MTBP: variants seen among roughly 807,000 people sequenced by gnomAD.
MTBP encodes the protein mdm2-binding protein.
MTBP carries 101 observed loss-of-function variants against 117.0 expected under a neutral mutation model. The ratio of observed to expected loss-of-function variants is 0.86; its 90% CI spans 0.73 to 1.02. MTBP has a LOEUF of 1.02. Among genes scored for constraint, MTBP ranks in the 50% least tolerant of loss-of-function variants. The pLI, the probability that MTBP is intolerant of heterozygous loss-of-function variation, is 0.00. For missense variants in MTBP, 970 were observed against 1,030.9 expected (o/e 0.94, Z 0.81); for synonymous variants, 350 against 351.5 (o/e 1.00, Z 0.05).
chr8:120,467,754 G>A (rs1325230608), intron 10 of MTBP, among the ~76,000 whole-genome samples: 2 of 152,178 alleles, frequency 1.3e-5, no homozygotes, highest in African/African-American at 4.8e-5. Context: ...GCACCTAAGT[G>A]TATTAAGAAT....
In MTBP at chr8:120,519,364, A is replaced by T. The variant is rs182550372; in HGVS notation, c.2610+547A>T. 5.1e-3 allele frequency among the ~76,000 whole-genome samples: 775 copies of T among 152,212 alleles called. 10 individuals are homozygous for T. The highest frequency in any genetic ancestry group is 0.018 in the African/African-American group (734 of 41,560). ...AATCATCCTTCGCAGAGACCAAGGG[A>T]TGACTGTGTAGTAAAAAGGCTACTG... On this transcript the variant is annotated intron_variant, in intron 20 of 21. Transcript: ENST00000305949.
At chr8:120,462,956 G>C (rs1813611807) in intron 9 of MTBP, among the ~76,000 whole-genome samples, 1 of 152,044 alleles carries the variant, frequency 6.6e-6, no homozygotes, top group Non-Finnish European at 1.5e-5. Flanking sequence ...CCAACACTTA[G>C]ATGTTTGGCC....
chr8:120,493,290 A>T (rs1234028805), intron 13 of MTBP, among the ~76,000 whole-genome samples: 2 of 152,288 alleles, frequency 1.3e-5, no homozygotes, highest in East Asian at 3.9e-4. Context: ...TGTGAAGACT[A>T]TGTTTTACCT....
intron 11 of MTBP, among the ~76,000 whole-genome samples, chr8:120,478,269 G>A (rs1586952366): frequency 6.6e-6 from 1 of 152,144 alleles, no homozygotes; most frequent in Admixed American, 6.5e-5. Flanking sequence ...GGGGGGCTAG[G>A]GGAGGGATAG....
At chr8:120,518,862 A>T in intron 20 of MTBP, 45 bp downstream of exon 20, 1 of 1,317,492 alleles carries the variant, frequency 7.6e-7, no homozygotes, top group Non-Finnish European at 1.1e-6. Flanking sequence ...TTCATGTTCT[A>T]ATGTTCCTGT....
rs559199371 is a variant in MTBP, at chr8:120,491,488, G to A, written c.1447+918G>A. On this transcript the variant is annotated intron_variant, in intron 13 of 21. Transcript: ENST00000305949. ...TGTTGTTTTTTTTAACCACGAAAAT[G>A]ATGTTTGCTCAAGGAAGGTGTAATT... is the stretch of plus-strand genomic sequence containing the variant. Among the ~76,000 whole-genome samples the A allele has an allele frequency of 3.3e-5, 5 of 152,140 alleles. No homozygotes were observed. The East Asian group carries it at 7.7e-4, about 23-fold the overall frequency.
intron 12 of MTBP, among the ~76,000 whole-genome samples, chr8:120,490,083 A>C (rs763250481): frequency 7.2e-5 from 11 of 152,140 alleles, no homozygotes; most frequent in Non-Finnish European, 1.3e-4. Context: ...TGTGGAGGGG[A>C]CTGCACAAAA....
chr8:120,496,059 T>A (rs1178497573), intron 13 of MTBP, among the ~76,000 whole-genome samples: 24 of 152,332 alleles, frequency 1.6e-4, no homozygotes, highest in Admixed American at 1.4e-3. Flanking sequence ...TATGGCTTTT[T>A]AGATCTATGG....
chr8:120,485,598 CTT>C (rs1814196083), intron 11 of MTBP, among the ~76,000 whole-genome samples: 1 of 152,068 alleles, frequency 6.6e-6, no homozygotes, highest in South Asian at 2.1e-4. Flanking sequence ...GCTTTGAAGT[CTT>C]TGTTATATTT....
chr8:120,494,644 T>C (rs1167746716), intron 13 of MTBP, among the ~76,000 whole-genome samples: 1 of 152,188 alleles, frequency 6.6e-6, no homozygotes, highest in East Asian at 1.9e-4. Context: ...ATCCTCACTT[T>C]CTCTTTCTGC....
intron 2 of MTBP, among the ~76,000 whole-genome samples, chr8:120,447,841 A>G (rs1295448139): frequency 1.4e-5 from 2 of 142,048 alleles, no homozygotes; most frequent in Admixed American, 1.5e-4. Context: ...TCACATCATC[A>G]CGTAACTTAT....
At chr8:120,487,829 G>A (rs896021481) in intron 11 of MTBP, among the ~76,000 whole-genome samples, 11 of 152,210 alleles carry the variant, frequency 7.2e-5, no homozygotes, top group African/African-American at 2.7e-4. Context: ...GTAGGAATCA[G>A]TTTATTCCTC....
chr8:120,466,473 C>T (rs886896581), intron 10 of MTBP, among the ~76,000 whole-genome samples: 2 of 151,540 alleles, frequency 1.3e-5, no homozygotes, highest in Non-Finnish European at 2.9e-5. Flanking sequence ...ACCTCGGCCT[C>T]CCAAAGTGCT....
intron 7 of MTBP, among the ~76,000 whole-genome samples, chr8:120,458,693 T>G (rs545380372): frequency 6.6e-6 from 1 of 151,778 alleles, no homozygotes; most frequent in East Asian, 1.9e-4. Flanking sequence ...TACAAAAAAT[T>G]AGCTGGGCAT....
chr8:120,475,800 A>C (rs919150591), intron 11 of MTBP, among the ~76,000 whole-genome samples: 1 of 152,018 alleles, frequency 6.6e-6, no homozygotes, highest in Non-Finnish European at 1.5e-5. Flanking sequence ...ACAGATGAAT[A>C]GTGAAAAATG....
chr8:120,499,399 T>C (rs1458823769), intron 14 of MTBP, among the ~76,000 whole-genome samples: 2 of 152,208 alleles, frequency 1.3e-5, no homozygotes, highest in Non-Finnish European at 2.9e-5. Context: ...TAATTTTTTT[T>C]TCAAATTATT....
intron 10 of MTBP, among the ~76,000 whole-genome samples, chr8:120,466,468 G>A (rs560441578): frequency 3.3e-5 from 5 of 150,730 alleles, no homozygotes; most frequent in South Asian, 2.1e-4. Flanking sequence ...CACCCACCTC[G>A]GCCTCCCAAA....
intron 14 of MTBP, 136 bp downstream of exon 14, chr8:120,497,690 A>T: frequency 1.7e-6 from 1 of 589,568 alleles, no homozygotes; most frequent in Non-Finnish European, 2.9e-6. Context: ...ACTTATATAG[A>T]TACAAGTATG....
intron 15 of MTBP, 69 bp from the exon 16 acceptor site, chr8:120,506,637 T>C: frequency 8.0e-7 from 1 of 1,247,304 alleles, no homozygotes; most frequent in Non-Finnish European, 1.1e-6. Flanking sequence ...GCTTTTTTTT[T>C]TTTTTGACTC....
Sources: allele counts gnomAD v4.1 joint callset (sites outside exome capture counted in the v4.1 genomes callset), GRCh38; gene constraint gnomAD v4.1.1; transcripts MANE v1.5; gene names NCBI Gene and HGNC (gene_info 2026-07-23, HGNC 2026-07-21).